MFAP3L: variants seen among roughly 807,000 people sequenced by gnomAD.
MFAP3L encodes the protein microfibrillar-associated protein 3-like.
In MFAP3L, 5 loss-of-function variants were observed where a neutral mutation model predicts 20.0. The observed-to-expected ratio is 0.25, with a 90% CI of 0.13 to 0.53. MFAP3L has a LOEUF of 0.53. Among genes scored for constraint, MFAP3L ranks in the 20% least tolerant of loss-of-function variants. The pLI is 0.96. For synonymous variants in MFAP3L, 219 were observed against 213.0 expected (o/e 1.03, Z -0.25); for missense variants, 409 against 527.5 (o/e 0.78, Z 2.20).
At chr4:170,001,874 A>G in intron 2 of MFAP3L, 1 of 966,808 alleles carries the variant, frequency 1.0e-6, no homozygotes, top group Non-Finnish European at 1.2e-6. Context: ...CAGGCAAGCA[A>G]AGCAAACCAG....
At chr4:170,009,356 C>T (rs1395534759) in intron 1 of MFAP3L, among the ~76,000 whole-genome samples, 1 of 144,442 alleles carries the variant, frequency 6.9e-6, no homozygotes, top group Non-Finnish European at 1.5e-5. Context: ...GCACTCCAGC[C>T]TGGGCGACAG....
Position 170,026,262 on chromosome 4 carries a change from G to A in MFAP3L, c.-162C>T, listed in dbSNP as rs1730401836. ...ACACCGCCGCGCCACTCAGGTGGCC[G>A]CCGTGCACCCCTCGCCATGGCCAGC... On this transcript the variant is annotated 5_prime_UTR_variant, in exon 1 of 3. Transcript: ENST00000361618. The A allele has an allele frequency of 1.0e-6, 1 of 984,556 alleles. No homozygotes were observed. The highest frequency in any genetic ancestry group is 1.2e-6 in the Non-Finnish European group (1 of 829,716). The allele number at this position is 984,556 out of a possible 1,614,324, so 61.0% of individuals were successfully genotyped here. A position where few individuals can be genotyped will look rare whatever the true frequency, so the allele number is the denominator to read the frequency against.
rs949341550 is a variant in MFAP3L, at chr4:169,988,297, TTG to T, written c.*3079_*3080del. On this transcript the variant is annotated 3_prime_UTR_variant, in exon 3 of 3. Coordinates refer to ENST00000361618, the MANE Select transcript of MFAP3L (RefSeq NM_021647.8). The stretch of plus-strand genomic sequence containing the variant: ...ATTACATAGATTTTTCCATATAAAA[TTG>T]TTTTCCCCATTTAGAATAAATACCA... 3 of 152,312 alleles carry T rather than the reference TTG, an allele frequency of 2.0e-5. No homozygotes were observed. The highest frequency in any genetic ancestry group is 7.2e-5 in the African/African-American group (3 of 41,566). 9.4% of individuals were successfully genotyped at this position (152,312 alleles called of 1,614,324 possible).
At chr4:169,999,623 A>C (rs1319012503) in intron 2 of MFAP3L, among the ~76,000 whole-genome samples, 1 of 152,166 alleles carries the variant, frequency 6.6e-6, no homozygotes, top group Non-Finnish European at 1.5e-5. Flanking sequence ...GCTGTCATCC[A>C]TATCTGAAAT....
intron 2 of MFAP3L, chr4:169,994,050 C>T: frequency 1.8e-6 from 1 of 559,536 alleles, no homozygotes; most frequent in South Asian, 7.8e-5. Flanking sequence ...AATTTATTTT[C>T]TTATAATTTG....
At chr4:170,010,757 T>C (rs377527093) in intron 1 of MFAP3L, among the ~76,000 whole-genome samples, 4 of 150,108 alleles carry the variant, frequency 2.7e-5, no homozygotes, top group African/African-American at 1.0e-4. Context: ...CGGCTATTAG[T>C]AGTTAAGTTC....
chr4:169,988,861 G>A lies in MFAP3L; in HGVS notation c.*2517C>T, dbSNP rs560234267. On this transcript the variant is annotated 3_prime_UTR_variant, in exon 3 of 3. Transcript: ENST00000361618. ...AGTCTAAAGCAGCAAAACCAATCAG[G>A]AAACATTCTTTGGCCGCATATTTCT... 2.6e-5 allele frequency: 4 copies of A among 152,194 alleles called. No individual in the cohort carries two copies. In the East Asian group the frequency reaches 7.7e-4, roughly 29 times the overall value. The allele number at this position is 152,194 out of a possible 1,614,324, so 9.4% of individuals were successfully genotyped here.
chr4:170,023,532 A>T (rs1308637392), intron 1 of MFAP3L, among the ~76,000 whole-genome samples: 2 of 152,222 alleles, frequency 1.3e-5, no homozygotes, highest in African/African-American at 4.8e-5. Context: ...TACCAAACTT[A>T]AAATTAACCA....
rs142121641 is a variant in MFAP3L at position 169,991,531 on chromosome 4, A to C, written c.1077T>G (p.Pro359=). 3.1e-6 allele frequency: 5 copies of C among 1,614,098 alleles called. No individual in the cohort carries two copies. The highest frequency in any genetic ancestry group is 3.4e-6 in the Non-Finnish European group (4 of 1,179,996). ...GCTCGGTGGACGTGACATCGGTAGA[A>C]GGTTCTGCAGTTTCGGGGGAATGTT... is the stretch of plus-strand genomic sequence containing the variant. The part of the protein sequence containing the change: ...SAEHSPETAE[P]STDVTSTELT... The change falls in exon 3 of 3, where the codon CCT becomes CCG. Residue 359 remains proline, a synonymous_variant. Coordinates refer to ENST00000361618, the MANE Select transcript of MFAP3L (RefSeq NM_021647.8). This position sits in a 1 kb window ranked among gnomAD's most constrained non-coding sequence, Gnocchi z 4.9.
At chr4:170,013,608 GAC>G (rs1739518797) in intron 1 of MFAP3L, among the ~76,000 whole-genome samples, 1 of 152,064 alleles carries the variant, frequency 6.6e-6, no homozygotes, top group African/African-American at 2.4e-5. Flanking sequence ...AAAATAAAAA[GAC>G]CATGACTGCT....
chr4:169,997,602 T>C (rs1030380733), intron 2 of MFAP3L: 5 of 530,764 alleles, frequency 9.4e-6, no homozygotes, highest in Non-Finnish European at 1.2e-5. Flanking sequence ...TCACAGTCAT[T>C]TTTAAAACAA....
chr4:170,022,322 A>G (rs539686613), intron 1 of MFAP3L, among the ~76,000 whole-genome samples: 1 of 152,292 alleles, frequency 6.6e-6, no homozygotes, highest in East Asian at 1.9e-4. Context: ...CCTGGGGTTT[A>G]GTTATCCATT....
At chr4:170,019,603 G>A (rs1341904230) in intron 1 of MFAP3L, among the ~76,000 whole-genome samples, 1 of 152,174 alleles carries the variant, frequency 6.6e-6, no homozygotes, top group Admixed American at 6.5e-5. Context: ...CTTGTTAAGA[G>A]GTACTGCTTT....
upstream of MFAP3L, chr4:170,026,459 G>A (rs1340827523): frequency 4.5e-6 from 1 of 221,012 alleles, no homozygotes; most frequent in Non-Finnish European, 7.6e-6. Context: ...CATGCCCAGT[G>A]CGGCTCGCCG....
At chr4:170,003,057 C>G (rs1323478502) in intron 2 of MFAP3L, among the ~76,000 whole-genome samples, 2 of 152,222 alleles carry the variant, frequency 1.3e-5, no homozygotes, top group African/African-American at 2.4e-5. Flanking sequence ...CTGTTGTTTT[C>G]TGTGTATTGC....
At chr4:170,014,094 A>G (rs4692589) in intron 1 of MFAP3L, among the ~76,000 whole-genome samples, 67,745 of 152,002 alleles carry the variant, frequency 0.45, 15,356 homozygotes, top group East Asian at 0.71. Context: ...TAGAGTCTAT[A>G]TTCAACCTAA....
chr4:169,994,672 T>C (rs567532375), intron 2 of MFAP3L: 34 of 489,238 alleles, frequency 6.9e-5, no homozygotes, highest in Non-Finnish European at 8.2e-5. Flanking sequence ...TGTGACATTG[T>C]TAAAAGGGGC....
chr4:169,994,994 A>G (rs1453290162), intron 2 of MFAP3L: 2 of 151,702 alleles, frequency 1.3e-5, no homozygotes, highest in African/African-American at 2.4e-5. Context: ...GTAACCATCT[A>G]GTTAAATGAG....
At chr4:170,002,904 T>C (rs553922066) in intron 2 of MFAP3L, among the ~76,000 whole-genome samples, 231 of 151,990 alleles carry the variant, frequency 1.5e-3, no homozygotes, top group Middle Eastern at 0.01. Context: ...TTCTAGCCTA[T>C]TGGTTTGAAA....
Sources: allele counts gnomAD v4.1 joint callset (sites outside exome capture counted in the v4.1 genomes callset), GRCh38; gene constraint gnomAD v4.1.1; non-coding constraint Gnocchi (gnomAD v3.1); transcripts MANE v1.5; gene names NCBI Gene and HGNC (gene_info 2026-07-23, HGNC 2026-07-21).